The following MACF1 variants were observed in gnomAD, a reference collection of about 807,000 sequenced individuals.
The protein encoded by MACF1 is microtubule actin crosslinking factor 1.
MACF1 carries 193 observed loss-of-function variants against 854.8 expected under a neutral mutation model. That is an observed-to-expected ratio of 0.23 (90% CI 0.20 to 0.25). The LOEUF (loss-of-function observed/expected upper bound fraction) is 0.25, where lower values mean the gene tolerates loss of function less well. Among genes scored for constraint, MACF1 ranks in the 10% least tolerant of loss-of-function variants. The pLI is 1.00. For missense variants in MACF1, 7,722 were observed against 8,929.1 expected, an observed-to-expected ratio of 0.86 and a Z score of 5.45; for synonymous variants, 3,185 against 3,226.7, an observed-to-expected ratio of 0.99 and a Z score of 0.44.
At chr1:39,250,988 G>A (rs1258594630) in intron 3 of MACF1, among the ~76,000 whole-genome samples, 2 of 152,170 alleles carry the variant, frequency 1.3e-5, no homozygotes, top group Non-Finnish European at 2.9e-5. Context: ...GAGAAATAGA[G>A]AACCAAAGAG....
At position 39,471,161 on chromosome 1, in the gene MACF1, G is replaced by A. The variant is rs149246203; in HGVS notation, c.21958+1546G>A. Reference sequence around the variant, plus strand: ...GAACTCTCCAGAAGTTTTAAATTTCGTAACTCTGTCAGTGATGGGCAGGAT... The same window carrying A: ...GAACTCTCCAGAAGTTTTAAATTTCATAACTCTGTCAGTGATGGGCAGGAT... On this transcript the variant is annotated intron_variant, in intron 97 of 100. Transcript: ENST00000564288. 9.9e-4 allele frequency among the ~76,000 whole-genome samples: 150 copies of A among 152,162 alleles called. No individual in the cohort carries two copies. The South Asian group carries it at 0.014, about 14-fold the overall frequency.
chr1:39,453,877 G>A, intron 88 of MACF1, 27 bp downstream of exon 88: 1 of 1,612,974 alleles, frequency 6.2e-7, no homozygotes, highest in Non-Finnish European at 8.5e-7. Context: ...GAGGAGGACT[G>A]CACACGCCCA....
At chr1:39,438,788 GAAAT>G (rs1644036836) in intron 71 of MACF1, among the ~76,000 whole-genome samples, 2 of 145,704 alleles carry the variant, frequency 1.4e-5, no homozygotes, top group African/African-American at 5.1e-5. Flanking sequence ...TCTAAAAAAA[GAAAT>G]AAATAATAGG....
chr1:39,458,692 G>GA (rs1272648923), intron 90 of MACF1: 1 of 639,648 alleles, frequency 1.6e-6, no homozygotes, highest in Non-Finnish European at 2.5e-6. Context: ...TGATTGGTAT[G>GA]AAATTACGAG....
Position 39,442,486 on chromosome 1 carries a change from T to C in MACF1, c.19023T>C (p.Thr6341=). The change falls in exon 77 of 101, where the codon ACT becomes ACC. Residue 6341 remains threonine (T), a synonymous_variant. Transcript: ENST00000564288. ...TAGAGGAACTAATGAGTTGGCTGAC[T>C]CATACCGAAGAGTTGTTAGATGCTC... ...HALEELMSWL[T]HTEELLDAQR... 1 of 1,614,200 alleles carries C rather than the reference T, an allele frequency of 6.2e-7. No individual in the cohort carries two copies. Among genetic ancestry groups the C allele is most frequent in the Non-Finnish European group, 8.5e-7 (1 of 1,180,024 alleles).
intron 70 of MACF1, chr1:39,436,019 G>A (rs1643967231): frequency 2.1e-6 from 1 of 477,228 alleles, no homozygotes; most frequent in Admixed American, 3.8e-5. Context: ...TTTATGTTGT[G>A]ATGATCCTTT....
chr1:39,456,130 T>A (rs1644433540), intron 89 of MACF1, among the ~76,000 whole-genome samples: 1 of 152,158 alleles, frequency 6.6e-6, no homozygotes, highest in Non-Finnish European at 1.5e-5. Context: ...GGTGAAGAGT[T>A]TGAGACCAGC....
At position 39,447,685 on chromosome 1, in the gene MACF1, C is replaced by T. The variant is rs771561314; in HGVS notation, c.19762-7C>T. 3 of 1,614,050 alleles carry T rather than the reference C, an allele frequency of 1.9e-6. No individual in the cohort carries two copies. The Admixed American group carries it at 5.0e-5, about 27-fold the overall frequency. On this transcript the variant is annotated splice_region_variant and splice_polypyrimidine_tract_variant and intron_variant, in intron 81 of 100. Transcript: ENST00000564288. ...TAAGCTAAAAAAGAGCACTATTGTT[C>T]CCTCAGGTTTTTGCTAATGAAGTAA...
Position 39,380,254 on chromosome 1 carries a change from C to G in MACF1, c.13529C>G (p.Ala4510Gly). 2 of 1,613,078 alleles carry G rather than the reference C, an allele frequency of 1.2e-6. No homozygotes were observed. The highest frequency in any genetic ancestry group is 1.7e-6 in the Non-Finnish European group (2 of 1,179,542). ...AQAESNKAFL[A>G]ELEQNSPKIQ... Reference sequence around the variant, plus strand: ...CATTCTTTCTCCTAGGCCTTCCTGGCTGAGTTGGAACAGAATTCTCCAAAA... The same window carrying G: ...CATTCTTTCTCCTAGGCCTTCCTGGGTGAGTTGGAACAGAATTCTCCAAAA... Residue 4510 changes from alanine to glycine, a missense_variant, in exon 55 of 101, where the codon GCT becomes GGT. By Grantham distance (60) the Ala-to-Gly change is moderately conservative (BLOSUM62 0). Around this residue, in one of 15 missense-constraint regions of MACF1, gnomAD observed 2,807 missense variants for 3,235.8 expected, o/e 0.87. Coordinates refer to ENST00000564288, the MANE Select transcript of MACF1 (RefSeq NM_001394062.1).
At chr1:39,123,717 G>GTTTTTTTTTTT (rs1170430073) in intron 2 of MACF1, among the ~76,000 whole-genome samples, 4 of 100,468 alleles carry the variant, frequency 4.0e-5, no homozygotes, top group African/African-American at 8.6e-5. Context: ...TTCTTGTTTT[G>GTTTTTTTTTTT]TTTTTTTTTT....
In MACF1 at chr1:39,300,020, G is replaced by T. The variant is rs116330898; in HGVS notation, c.2482-190G>T. On this transcript the variant is annotated intron_variant, in intron 21 of 100. Coordinates refer to ENST00000564288, the MANE Select transcript of MACF1 (RefSeq NM_001394062.1). ...CAAAGTTTGAGTGCGAAAGCACTTGGTAGAAGACAGAAGCATTCTCTCCTT... is the reference window on the plus strand; with the variant it reads ...CAAAGTTTGAGTGCGAAAGCACTTGTTAGAAGACAGAAGCATTCTCTCCTT... Among the ~76,000 whole-genome samples the T allele has an allele frequency of 2.5e-3, 385 of 152,326 alleles. 3 individuals are homozygous for T. The highest frequency in any genetic ancestry group is 8.8e-3 in the African/African-American group (364 of 41,566).
chr1:39,415,145 T>C (rs1230576650), intron 58 of MACF1, among the ~76,000 whole-genome samples: 2 of 152,210 alleles, frequency 1.3e-5, no homozygotes, highest in Non-Finnish European at 1.5e-5. Context: ...AATGCAAATA[T>C]GTGTTTCTGA....
Position 39,451,095 on chromosome 1 carries a change from A to G in MACF1, c.20302A>G (p.Met6768Val). ...AGCCCTGCTCTTTTCGGGTCAGTTC[A>G]TGGATGCTTTGCAGGCATTGGTTGA... Reference protein sequence around the residue: ...EEALLFSGQFMDALQALVDWL... With the variant: ...EEALLFSGQFVDALQALVDWL... Residue 6768 changes from methionine (M) to valine (V), a missense_variant, in exon 85 of 101, where the codon ATG becomes GTG. By Grantham distance (21) the Met-to-Val change is conservative. Coordinates refer to ENST00000564288, the MANE Select transcript of MACF1 (RefSeq NM_001394062.1). 1 of 1,614,202 alleles carries G rather than the reference A, an allele frequency of 6.2e-7. No individual in the cohort carries two copies. The highest frequency in any genetic ancestry group is 1.6e-4 in the Middle Eastern group (1 of 6,062).
At chr1:39,234,586 G>A in intron 2 of MACF1, among the ~76,000 whole-genome samples, 1 of 113,084 alleles carries the variant, frequency 8.8e-6, no homozygotes, top group Non-Finnish European at 1.9e-5. Flanking sequence ...CGGCTGGCCT[G>A]GCGGGGGGCT....
chr1:39,393,196 A>AAAAAAAAAAAAAATATATATATAT (rs57576149), intron 58 of MACF1, among the ~76,000 whole-genome samples: 1 of 66,574 alleles, frequency 1.5e-5, no homozygotes, highest in Non-Finnish European at 2.6e-5. Flanking sequence ...AAAAAAAAAA[A>AAAAAAAAAAAAAATATATATATAT]ATATATATAT....
intron 2 of MACF1, among the ~76,000 whole-genome samples, chr1:39,148,210 T>G (rs1439271975): frequency 6.6e-6 from 1 of 152,226 alleles, no homozygotes; most frequent in African/African-American, 2.4e-5. Context: ...AGACCATGAG[T>G]TCAGTGACTG....
chr1:39,318,401 T>C (rs1447728561), intron 29 of MACF1, 52 bp from the exon 30 acceptor site: 1 of 1,516,648 alleles, frequency 6.6e-7, no homozygotes, highest in African/African-American at 1.4e-5. Context: ...CTCATTTACT[T>C]TATTGTATTT....
intron 97 of MACF1, among the ~76,000 whole-genome samples, chr1:39,477,037 C>T (rs1238273397): frequency 1.5e-5 from 2 of 129,430 alleles, no homozygotes; most frequent in African/African-American, 5.9e-5. Flanking sequence ...CACATATATA[C>T]ACTTAGTGTA....
chr1:39,422,688 C>G (rs1181194793), intron 59 of MACF1, 42 bp from the exon 60 acceptor site: 1 of 1,590,860 alleles, frequency 6.3e-7, no homozygotes, highest in Non-Finnish European at 8.6e-7. Flanking sequence ...TTGAAAACTA[C>G]TTTCTCCGTT....
Sources: gnomAD v4.1 joint callset for allele counts (sites outside exome capture counted in the v4.1 genomes callset) on GRCh38, gnomAD v4.1.1 for gene constraint, gnomAD v4.1.1 regional missense constraint, MANE v1.5 for transcripts, NCBI Gene and HGNC (gene_info 2026-07-23, HGNC 2026-07-21) for gene names.